Variants in FGF2 observed in about 807,000 individuals in gnomAD.
FGF2 encodes basic fibroblast growth factor bFGF.
In FGF2, 13 loss-of-function variants were observed where a neutral mutation model predicts 15.9. The ratio of observed to expected loss-of-function variants is 0.82; its 90% confidence interval spans 0.53 to 1.30. The LOEUF (loss-of-function observed/expected upper bound fraction) is 1.30. FGF2 is among the 50% of genes most tolerant of loss of function. The pLI is 0.00. For synonymous variants in FGF2, 90 were observed against 78.4 expected, an observed-to-expected ratio of 1.15 and a Z score of -0.78; for missense variants, 163 against 196.9, an observed-to-expected ratio of 0.83 and a Z score of 1.03.
intron 2 of FGF2, among the ~76,000 whole-genome samples, chr4:122,889,513 AC>A (rs35287534): frequency 0.25 from 38,133 of 152,060 alleles, 5,021 homozygotes; most frequent in East Asian, 0.45. Context: ...CAGAATGGAG[AC>A]AATTGAAAAT....
intron 1 of FGF2, among the ~76,000 whole-genome samples, chr4:122,859,343 A>C (rs190126089): frequency 4.6e-5 from 7 of 152,354 alleles, no homozygotes; most frequent in African/African-American, 1.4e-4. Flanking sequence ...GAGAAATTAT[A>C]TAAGGTCTTA....
intron 1 of FGF2, among the ~76,000 whole-genome samples, chr4:122,866,859 C>G (rs1726606910): frequency 6.6e-6 from 1 of 152,162 alleles, no homozygotes; most frequent in Admixed American, 6.5e-5. Flanking sequence ...GAAAACATGT[C>G]TACACAAAAT....
intron 1 of FGF2, among the ~76,000 whole-genome samples, chr4:122,868,327 G>T (rs1049933231): frequency 2.8e-4 from 42 of 152,062 alleles, no homozygotes; most frequent in African/African-American, 9.7e-4. Context: ...GTGTCCATGT[G>T]TTCTTATTGT....
Position 122,827,108 on chromosome 4 carries a change from C to A in FGF2, c.-67C>A. 1 of 1,251,438 alleles carries A rather than the reference C, an allele frequency of 8.0e-7. No homozygotes were observed. The highest frequency in any genetic ancestry group is 4.4e-5 in the Admixed American group (1 of 22,716). The allele number at this position is 1,251,438 out of a possible 1,614,324, so 77.5% of individuals were successfully genotyped here. A position where few individuals can be genotyped will look rare whatever the true frequency, so the allele number is the denominator to read the frequency against. On this transcript the variant is annotated 5_prime_UTR_variant, in exon 1 of 3. Coordinates refer to ENST00000644866, the MANE Select transcript of FGF2 (RefSeq NM_001361665.2). The surrounding 1 kb of genome is among the most constrained non-coding windows in gnomAD (Gnocchi z 4.2). Reference sequence around the variant, plus strand: ...AGCGGGTCGGAGGCCGGGGCCGGGGCCGGGGGACGGCGGCTCCCCGCGCGG... The same window carrying A: ...AGCGGGTCGGAGGCCGGGGCCGGGGACGGGGGACGGCGGCTCCCCGCGCGG...
Position 122,827,093 on chromosome 4 carries a change from AGGCCGGGGCCGG to A in FGF2, c.-73_-62del. 8.4e-7 allele frequency: 1 copy of A among 1,190,796 alleles called. No individual in the cohort carries two copies. Among genetic ancestry groups the A allele is most frequent in the South Asian group, 3.8e-5 (1 of 26,516 alleles). 73.8% of individuals were successfully genotyped at this position (1,190,796 alleles called of 1,614,324 possible). On this transcript the variant is annotated 5_prime_UTR_variant, in exon 1 of 3. Transcript: ENST00000644866. The surrounding 1 kb of genome is among the most constrained non-coding windows in gnomAD (Gnocchi z 4.2). ...GGGGCCGTGCCCCGGAGCGGGTCGGAGGCCGGGGCCGGGGCCGGGGGACGGCGGCTCCCCGCG... is the reference window on the plus strand; with the variant it reads ...GGGGCCGTGCCCCGGAGCGGGTCGGAGGCCGGGGGACGGCGGCTCCCCGCG...
At chr4:122,837,256 G>A (rs1454163170) in intron 1 of FGF2, among the ~76,000 whole-genome samples, 2 of 152,146 alleles carry the variant, frequency 1.3e-5, no homozygotes, top group Non-Finnish European at 2.9e-5. Flanking sequence ...AAGGGTGGGT[G>A]GGAGAAATTA....
At chr4:122,887,915 C>A (rs1727091738) in intron 2 of FGF2, among the ~76,000 whole-genome samples, 1 of 151,676 alleles carries the variant, frequency 6.6e-6, no homozygotes, top group South Asian at 2.1e-4. Context: ...TCCTGGTATT[C>A]CAAATAAATT....
chr4:122,890,465 G>A (rs1008795152), intron 2 of FGF2, among the ~76,000 whole-genome samples: 1 of 152,062 alleles, frequency 6.6e-6, no homozygotes, highest in African/African-American at 2.4e-5. Context: ...ATTTAACAGT[G>A]GTCAAAATAT....
At chr4:122,879,218 C>A (rs1245715740) in intron 2 of FGF2, among the ~76,000 whole-genome samples, 1 of 152,188 alleles carries the variant, frequency 6.6e-6, no homozygotes, top group Non-Finnish European at 1.5e-5. Context: ...GTTTGGGAAT[C>A]TACCAAAGTA....
intron 2 of FGF2, among the ~76,000 whole-genome samples, chr4:122,890,640 A>G (rs2150791852): frequency 6.6e-6 from 1 of 152,196 alleles, no homozygotes; most frequent in South Asian, 2.1e-4. Context: ...TTGTTTTGCC[A>G]ATTAATTTAT....
At chr4:122,861,870 G>A (rs764306360) in intron 1 of FGF2, among the ~76,000 whole-genome samples, 1 of 151,960 alleles carries the variant, frequency 6.6e-6, no homozygotes, top group Non-Finnish European at 1.5e-5. Context: ...CTTTCTTTTT[G>A]TTCCCGTTCT....
intron 2 of FGF2, among the ~76,000 whole-genome samples, chr4:122,880,462 G>T (rs967677496): frequency 6.6e-6 from 1 of 151,958 alleles, no homozygotes; most frequent in Admixed American, 6.6e-5. Context: ...GTTAGCCAGG[G>T]TGGTCTTGAT....
intron 1 of FGF2, among the ~76,000 whole-genome samples, chr4:122,834,557 C>T (rs1005744375): frequency 6.6e-6 from 1 of 152,256 alleles, no homozygotes. Context: ...TATTGTCTGC[C>T]TCTGACTTCT....
chr4:122,844,385 C>T (rs1053101972), intron 1 of FGF2, among the ~76,000 whole-genome samples: 3 of 152,084 alleles, frequency 2.0e-5, no homozygotes, highest in Admixed American at 6.5e-5. Flanking sequence ...AGGTTTGAAC[C>T]CCCTCAAAGT....
chr4:122,827,318 A>G lies in FGF2; in HGVS notation c.144A>G (p.Arg48=). ...GFFLRIHPDG[R]VDGVREKSDP... ...TCCTGCGCATCCACCCCGACGGCCG[A>G]GTTGACGGGGTCCGGGAGAAGAGCG... is the stretch of plus-strand genomic sequence containing the variant. Residue 48 remains arginine (R), a synonymous_variant, in exon 1 of 3, where the codon CGA becomes CGG. Transcript: ENST00000644866. The surrounding 1 kb of genome is among the most constrained non-coding windows in gnomAD (Gnocchi z 4.2). 6.2e-7 allele frequency: 1 copy of G among 1,612,802 alleles called. No homozygotes were observed. The highest frequency in any genetic ancestry group is 8.5e-7 in the Non-Finnish European group (1 of 1,179,852).
chr4:122,837,442 T>A (rs1471192417), intron 1 of FGF2, among the ~76,000 whole-genome samples: 2 of 152,242 alleles, frequency 1.3e-5, no homozygotes, highest in African/African-American at 4.8e-5. Context: ...ATAAACACTT[T>A]GCTTTTGAAT....
chr4:122,869,421 T>G (rs1726676498), intron 1 of FGF2, among the ~76,000 whole-genome samples: 1 of 152,246 alleles, frequency 6.6e-6, no homozygotes, highest in South Asian at 2.1e-4. Flanking sequence ...ATAAATTACT[T>G]TGGGCAGTAT....
rs73844960 is a variant in FGF2 at position 122,890,880 on chromosome 4, T to G, written c.283-1331T>G. 5.3e-3 allele frequency among the ~76,000 whole-genome samples: 801 copies of G among 152,334 alleles called. 7 individuals are homozygous for G. The highest frequency in any genetic ancestry group is 0.018 in the African/African-American group (736 of 41,580). On this transcript the variant is annotated intron_variant, in intron 2 of 2. Transcript: ENST00000644866. ...TTTACATGTGTTTTCTATATAAGTT[T>G]ATCATTCGATTGATATATATACACA...
At chr4:122,843,234 G>C (rs368513094) in intron 1 of FGF2, among the ~76,000 whole-genome samples, 37 of 152,284 alleles carry the variant, frequency 2.4e-4, no homozygotes, top group African/African-American at 8.4e-4. Context: ...CAGAATGTTT[G>C]GAATCAAGTA....
Sources: allele counts gnomAD v4.1 joint callset (sites outside exome capture counted in the v4.1 genomes callset), GRCh38; gene constraint gnomAD v4.1.1; non-coding constraint Gnocchi (gnomAD v3.1); transcripts MANE v1.5; gene names NCBI Gene and HGNC (gene_info 2026-07-23, HGNC 2026-07-21).